TNFSF4: variants seen among roughly 807,000 people sequenced by gnomAD.
The protein encoded by TNFSF4 is tumor necrosis factor ligand superfamily member 4.
TNFSF4 carries 4 observed loss-of-function variants against 7.3 expected under a neutral mutation model. The observed-to-expected ratio is 0.55, with a 90% confidence interval of 0.27 to 1.25. TNFSF4 has a LOEUF of 1.25. TNFSF4 is among the 50% of genes most tolerant of loss of function. The pLI is 0.12. For missense variants in TNFSF4, 181 were observed against 208.8 expected (o/e 0.87, Z 0.82); for synonymous variants, 76 against 83.7 (o/e 0.91, Z 0.50).
chr1:173,204,145 A>G (rs1650072746), intron 1 of TNFSF4, among the ~76,000 whole-genome samples: 2 of 152,234 alleles, frequency 1.3e-5, no homozygotes, highest in African/African-American at 4.8e-5. Context: ...CTTAGGAGCC[A>G]GGAAATCCAT....
chr1:173,431,631 T>A, the TNFSF4 span, among the ~76,000 whole-genome samples: 1 of 152,410 alleles, frequency 6.6e-6, no homozygotes, highest in Non-Finnish European at 1.5e-5. Context: ...TACTCATTTC[T>A]GAATAAAATA....
chr1:173,275,586 C>A, the TNFSF4 span, among the ~76,000 whole-genome samples: 1 of 152,162 alleles, frequency 6.6e-6, no homozygotes, highest in African/African-American at 2.4e-5. Context: ...CAGGTGAGAC[C>A]ACTTCTGTTC....
the TNFSF4 span, among the ~76,000 whole-genome samples, chr1:173,333,411 T>C: frequency 6.6e-6 from 1 of 152,156 alleles, no homozygotes; most frequent in Non-Finnish European, 1.5e-5. Flanking sequence ...CGGTTTTTCC[T>C]GTTTCCAGAC....
chr1:173,323,080 G>A, the TNFSF4 span, among the ~76,000 whole-genome samples: 152,221 of 152,328 alleles, frequency 1, 76,057 homozygotes, highest in Non-Finnish European at 1. Context: ...GAATGGGCAG[G>A]CTGCCTCCTC....
the TNFSF4 span, among the ~76,000 whole-genome samples, chr1:173,223,018 G>A: frequency 6.6e-6 from 1 of 152,198 alleles, no homozygotes; most frequent in East Asian, 1.9e-4. Context: ...ACAGTCTAAT[G>A]TAATGGTTAA....
chr1:173,319,187 G>T, the TNFSF4 span, among the ~76,000 whole-genome samples: 1 of 152,142 alleles, frequency 6.6e-6, no homozygotes, highest in Non-Finnish European at 1.5e-5. Context: ...CTGAGTTTTA[G>T]TAGGTGGTTT....
intron 1 of TNFSF4, among the ~76,000 whole-genome samples, chr1:173,197,847 GA>G (rs545198688): frequency 6.1e-5 from 9 of 146,988 alleles, no homozygotes; most frequent in South Asian, 4.3e-4. Context: ...AAAAGTTAAA[GA>G]AAAAAAAAAG....
chr1:173,176,518 G>A, the TNFSF4 span, among the ~76,000 whole-genome samples: 1 of 152,264 alleles, frequency 6.6e-6, no homozygotes, highest in Non-Finnish European at 1.5e-5. Context: ...ATACGCTGCT[G>A]GAGGGAATGT....
chr1:173,399,082 A>G, the TNFSF4 span, among the ~76,000 whole-genome samples: 1 of 152,166 alleles, frequency 6.6e-6, no homozygotes, highest in African/African-American at 2.4e-5. Flanking sequence ...CTGACCCACC[A>G]AGCCATAAAG....
the TNFSF4 span, among the ~76,000 whole-genome samples, chr1:173,350,900 T>C: frequency 3.3e-5 from 5 of 152,134 alleles, no homozygotes; most frequent in African/African-American, 4.8e-5. Context: ...CCTATTCCTG[T>C]AAGAGGAGAG....
At chr1:173,224,863 G>C in the TNFSF4 span, among the ~76,000 whole-genome samples, 2 of 152,234 alleles carry the variant, frequency 1.3e-5, no homozygotes, top group East Asian at 3.9e-4. Context: ...CTCCAGTCAA[G>C]CCTGTCCTCC....
upstream of TNFSF4, among the ~76,000 whole-genome samples, chr1:173,210,900 A>G (rs1354134995): frequency 6.6e-6 from 1 of 152,014 alleles, no homozygotes; most frequent in Non-Finnish European, 1.5e-5. Flanking sequence ...GCAGGAAGGG[A>G]TATGTTTATC....
chr1:173,318,270 C>T, the TNFSF4 span, among the ~76,000 whole-genome samples: 352 of 152,088 alleles, frequency 2.3e-3, 2 homozygotes, highest in African/African-American at 7.9e-3. Context: ...GAAACACCAT[C>T]TCTACTAAAA....
chr1:173,215,504 A>G, the TNFSF4 span, among the ~76,000 whole-genome samples: 4,196 of 152,264 alleles, frequency 0.028, 63 homozygotes, highest in Admixed American at 0.055. Flanking sequence ...CCTTATAAGA[A>G]TATTCTTAAA....
the TNFSF4 span, among the ~76,000 whole-genome samples, chr1:173,218,422 G>A: frequency 5.9e-5 from 9 of 152,002 alleles, no homozygotes; most frequent in African/African-American, 1.9e-4. Flanking sequence ...AAGGGCCACC[G>A]CCCACTTCCT....
At chr1:173,337,939 G>A in the TNFSF4 span, among the ~76,000 whole-genome samples, 12 of 152,304 alleles carry the variant, frequency 7.9e-5, no homozygotes, top group African/African-American at 2.6e-4. Context: ...CAGTTGGATA[G>A]GATCACTTGT....
chr1:173,399,080 C>T, the TNFSF4 span, among the ~76,000 whole-genome samples: 2 of 152,174 alleles, frequency 1.3e-5, no homozygotes, highest in Non-Finnish European at 2.9e-5. Flanking sequence ...ATCTGACCCA[C>T]CAAGCCATAA....
intron 1 of TNFSF4, among the ~76,000 whole-genome samples, chr1:173,189,624 C>A (rs1036568445): frequency 2.0e-5 from 3 of 151,860 alleles, no homozygotes; most frequent in Non-Finnish European, 4.4e-5. Flanking sequence ...AATATGGAAC[C>A]AACTCCGAGA....
the TNFSF4 span, among the ~76,000 whole-genome samples, chr1:173,422,045 C>T: frequency 6.6e-6 from 1 of 151,908 alleles, no homozygotes; most frequent in Non-Finnish European, 1.5e-5. Context: ...CACAGCTATA[C>T]GAGAACACCT....
Sources: allele counts gnomAD v4.1 joint callset (sites outside exome capture counted in the v4.1 genomes callset), GRCh38; gene constraint gnomAD v4.1.1; transcripts MANE v1.5; gene names NCBI Gene and HGNC (gene_info 2026-07-23, HGNC 2026-07-21).